Variants in PDZD2 observed in about 807,000 individuals in gnomAD.
The protein encoded by PDZD2 is PDZ domain containing 2, also known as PDZ domain-containing protein 2.
PDZD2 carries 90 observed loss-of-function variants against 220.7 expected under a neutral mutation model. That is an observed-to-expected ratio of 0.41 (90% CI 0.34 to 0.49). The LOEUF is 0.49. PDZD2 is among the 20% of genes least tolerant of loss of function. The pLI is 0.28. For missense variants in PDZD2, 3,174 were observed against 3,608.5 expected, an observed-to-expected ratio of 0.88 and a Z score of 3.08; for synonymous variants, 1,375 against 1,450.5, an observed-to-expected ratio of 0.95 and a Z score of 1.18.
At chr5:32,016,506 C>T (rs1413103633) in intron 6 of PDZD2, among the ~76,000 whole-genome samples, 3 of 152,136 alleles carry the variant, frequency 2.0e-5, no homozygotes, top group East Asian at 1.9e-4. Context: ...GGCAGATCTT[C>T]GGAGTAGTAC....
chr5:31,896,445 G>A (rs1164877530), intron 2 of PDZD2, among the ~76,000 whole-genome samples: 1 of 151,534 alleles, frequency 6.6e-6, no homozygotes, highest in African/African-American at 2.4e-5. Context: ...CCTCAGCAAT[G>A]TTTTAAACCT....
At chr5:31,667,201 A>C (rs1746027567) in intron 1 of PDZD2, among the ~76,000 whole-genome samples, 1 of 127,264 alleles carries the variant, frequency 7.9e-6, no homozygotes, top group African/African-American at 3.1e-5. Context: ...GCGCCACTGC[A>C]CTCTAACCTG....
intron 2 of PDZD2, among the ~76,000 whole-genome samples, chr5:31,934,644 T>G (rs1745570043): frequency 7.0e-6 from 1 of 142,652 alleles, no homozygotes; most frequent in South Asian, 2.4e-4. Context: ...GTCCGGATAC[T>G]AGACCACCAG....
rs1224130663 is a variant in PDZD2, at chr5:32,088,190, G to T, written c.4742G>T (p.Arg1581Leu). The change falls in exon 20 of 25, where the codon CGT (arginine) becomes CTT (leucine). Residue 1581 changes from arginine to leucine, a missense_variant. Physicochemically the swap from Arg to Leu is moderately radical, Grantham distance 102. Transcript: ENST00000438447. The surrounding 1 kb of genome is among the most constrained non-coding windows in gnomAD (Gnocchi z 4.6). ...GCCAGGGACGGCTGGTCCCCTCCTC[G>T]TTCCCGTGTGTCTTTGCACAAGGAA... Reference protein sequence around the residue: ...ASARDGWSPPRSRVSLHKEDP... With the variant: ...ASARDGWSPPLSRVSLHKEDP... The T allele has an allele frequency of 6.2e-7, 1 of 1,614,050 alleles. No individual in the cohort carries two copies. Among genetic ancestry groups the T allele is most frequent in the East Asian group, 2.2e-5 (1 of 44,866 alleles).
At chr5:31,679,855 T>C (rs897158026) in intron 1 of PDZD2, among the ~76,000 whole-genome samples, 11 of 152,192 alleles carry the variant, frequency 7.2e-5, no homozygotes, top group African/African-American at 2.4e-4. Flanking sequence ...TTAAGTTTCT[T>C]AGATCCTGTA....
chr5:31,824,354 T>G (rs139560595), intron 2 of PDZD2, among the ~76,000 whole-genome samples: 41 of 150,948 alleles, frequency 2.7e-4, no homozygotes, highest in African/African-American at 8.3e-4. Context: ...AAAACAAATA[T>G]AATGGCAACA....
intron 2 of PDZD2, among the ~76,000 whole-genome samples, chr5:31,832,197 T>C (rs1331774791): frequency 6.6e-6 from 1 of 152,098 alleles, no homozygotes; most frequent in East Asian, 1.9e-4. Context: ...ATTCCATTTA[T>C]GTAAGGGTCC....
chr5:31,953,724 G>A (rs1463818194), intron 2 of PDZD2, among the ~76,000 whole-genome samples: 4 of 150,304 alleles, frequency 2.7e-5, no homozygotes, highest in African/African-American at 2.5e-5. Flanking sequence ...GCACAATCTC[G>A]GCTCACCGCA....
intron 2 of PDZD2, among the ~76,000 whole-genome samples, chr5:31,888,402 G>C (rs886740976): frequency 2.6e-5 from 4 of 152,178 alleles, no homozygotes; most frequent in Non-Finnish European, 5.9e-5. Flanking sequence ...ATGTTGGCCA[G>C]GCTGGTCTCA....
chr5:31,952,405 T>A lies in PDZD2; in HGVS notation c.477-30750T>A, dbSNP rs146965940. ...AAAATCTTGGATTTCAGAACCTCAG[T>A]TGAAAACTTTTGGGATGCTGATTAC... On this transcript the variant is annotated intron_variant, in intron 2 of 24. Coordinates refer to ENST00000438447, the MANE Select transcript of PDZD2 (RefSeq NM_178140.4). Among the ~76,000 whole-genome samples the A allele has an allele frequency of 3.5e-3, 537 of 152,360 alleles. 3 individuals are homozygous for A. Among genetic ancestry groups the A allele is most frequent in the African/African-American group, 0.012 (511 of 41,596 alleles).
intron 2 of PDZD2, among the ~76,000 whole-genome samples, chr5:31,877,881 G>A (rs1739452010): frequency 1.3e-5 from 2 of 151,968 alleles, no homozygotes; most frequent in Non-Finnish European, 2.9e-5. Flanking sequence ...TAGAGATGGG[G>A]TTTCACCATA....
At chr5:32,032,575 GT>G (rs1437538546) in intron 6 of PDZD2, among the ~76,000 whole-genome samples, 1 of 152,118 alleles carries the variant, frequency 6.6e-6, no homozygotes, top group African/African-American at 2.4e-5. Flanking sequence ...TTGCCACGTG[GT>G]TGTCAGCTTG....
chr5:32,100,839 A>G (rs1379310423), intron 23 of PDZD2: 1 of 1,464,220 alleles, frequency 6.8e-7, no homozygotes, highest in Non-Finnish European at 9.2e-7. Context: ...CTTGGGCATA[A>G]AAGCATTTGC....
At chr5:31,782,290 A>G (rs1561455557) in intron 1 of PDZD2, among the ~76,000 whole-genome samples, 1 of 152,230 alleles carries the variant, frequency 6.6e-6, no homozygotes, top group African/African-American at 2.4e-5. Context: ...GGACATACCT[A>G]CATTAAGATA....
At chr5:31,986,659 C>T (rs1486772728) in intron 3 of PDZD2, among the ~76,000 whole-genome samples, 8 of 29,232 alleles carry the variant, frequency 2.7e-4, no homozygotes, top group Admixed American at 3.3e-4. Context: ...TTGCGGGGGG[C>T]GGGGGGGAAT....
chr5:31,923,696 G>A (rs1296733914), intron 2 of PDZD2, among the ~76,000 whole-genome samples: 1 of 152,084 alleles, frequency 6.6e-6, no homozygotes, highest in Non-Finnish European at 1.5e-5. Flanking sequence ...ACTAACTTAT[G>A]ATAGAATGTA....
chr5:31,652,101 G>C (rs190588788), intron 1 of PDZD2, among the ~76,000 whole-genome samples: 26 of 150,204 alleles, frequency 1.7e-4, no homozygotes, highest in African/African-American at 6.1e-4. Flanking sequence ...AAGATGTTAG[G>C]ATAATAGGCA....
At chr5:31,763,381 C>T (rs16901534) in intron 1 of PDZD2, among the ~76,000 whole-genome samples, 5,977 of 152,144 alleles carry the variant, frequency 0.039, 365 homozygotes, top group African/African-American at 0.13. Context: ...TCTGTCCTTG[C>T]GTGTGTGCAG....
At chr5:31,760,981 G>A (rs1315675514) in intron 1 of PDZD2, among the ~76,000 whole-genome samples, 3 of 152,074 alleles carry the variant, frequency 2.0e-5, no homozygotes, top group African/African-American at 7.2e-5. Flanking sequence ...GTAGAGGAGG[G>A]AGGAAGAGCA....
Sources: allele counts gnomAD v4.1 joint callset (sites outside exome capture counted in the v4.1 genomes callset), GRCh38; gene constraint gnomAD v4.1.1; non-coding constraint Gnocchi (gnomAD v3.1); transcripts MANE v1.5; gene names NCBI Gene and HGNC (gene_info 2026-07-23, HGNC 2026-07-21).